The following MGAT4C variants were observed in gnomAD, a reference collection of about 807,000 sequenced individuals.
The protein encoded by MGAT4C is MGAT4 family member C.
MGAT4C carries 19 observed loss-of-function variants against 40.1 expected under a neutral mutation model. The observed-to-expected ratio is 0.47, with a 90% CI of 0.33 to 0.70. MGAT4C has a LOEUF of 0.70. MGAT4C is among the 30% of genes least tolerant of loss of function. The pLI is 0.02. For missense variants in MGAT4C, 491 were observed against 563.2 expected, an observed-to-expected ratio of 0.87 and a Z score of 1.30; for synonymous variants, 181 against 187.1, an observed-to-expected ratio of 0.97 and a Z score of 0.27.
At chr12:86,095,551 A>G (rs996656210) in intron 1 of MGAT4C, among the ~76,000 whole-genome samples, 1 of 151,688 alleles carries the variant, frequency 6.6e-6, no homozygotes, top group Admixed American at 6.6e-5. Context: ...GCATGATTGC[A>G]TTTTATTCTA....
At chr12:86,172,880 T>G (rs1593140415) in intron 1 of MGAT4C, among the ~76,000 whole-genome samples, 1 of 152,144 alleles carries the variant, frequency 6.6e-6, no homozygotes, top group Admixed American at 6.6e-5. Flanking sequence ...ATAATGAATA[T>G]TAATGATTAA....
At chr12:86,344,916 G>A (rs1172861782) in intron 3 of MGAT4C, among the ~76,000 whole-genome samples, 1 of 151,820 alleles carries the variant, frequency 6.6e-6, no homozygotes, top group Non-Finnish European at 1.5e-5. Context: ...GTGACAATTT[G>A]AACAACTATG....
At chr12:86,042,009 T>C (rs1891902109) in intron 2 of MGAT4C, among the ~76,000 whole-genome samples, 3 of 152,214 alleles carry the variant, frequency 2.0e-5, no homozygotes, top group Admixed American at 2.0e-4. Context: ...GTTGGGTGTA[T>C]ATATATTCAG....
chr12:86,583,016 A>G (rs1316660952), intron 2 of MGAT4C, among the ~76,000 whole-genome samples: 3 of 151,434 alleles, frequency 2.0e-5, no homozygotes, highest in Non-Finnish European at 4.4e-5. Flanking sequence ...ATAATATAAA[A>G]GAGAAAATAA....
chr12:86,495,496 C>T lies in MGAT4C; in HGVS notation c.-228-60231G>A, dbSNP rs139745859. Among the ~76,000 whole-genome samples, 205 of 152,190 alleles carry T rather than the reference C, an allele frequency of 1.3e-3. 4 individuals carry two copies. Among genetic ancestry groups the T allele is most frequent in the African/African-American group, 4.6e-3 (193 of 41,548 alleles). On this transcript the variant is annotated intron_variant, in intron 2 of 7. Transcript: ENST00000548651. Reference sequence around the variant, plus strand: ...AGGATGGCCCTGCCATTCACATCTGCATTATGCCTGTATTTGAAGACTGGC... The same window carrying T: ...AGGATGGCCCTGCCATTCACATCTGTATTATGCCTGTATTTGAAGACTGGC...
intron 2 of MGAT4C, among the ~76,000 whole-genome samples, chr12:86,546,338 T>G (rs1959192691): frequency 6.6e-6 from 1 of 151,498 alleles, no homozygotes; most frequent in Non-Finnish European, 1.5e-5. Flanking sequence ...GATTAAATAA[T>G]TATATATTAT....
chr12:86,766,726 G>A (rs1334897552), intron 1 of MGAT4C, among the ~76,000 whole-genome samples: 6 of 151,826 alleles, frequency 4.0e-5, no homozygotes, highest in Non-Finnish European at 8.8e-5. Context: ...ACTCAAAACC[G>A]CTCAACTACA....
In MGAT4C at chr12:86,363,954, ACT is replaced by A. The variant is rs762469045; in HGVS notation, c.-119-29829_-119-29828del. On this transcript the variant is annotated intron_variant, in intron 3 of 7. Coordinates refer to the MGAT4C transcript ENST00000548651. ...AAAAAAATTACCAAATCTCTTTCTC[ACT>A]CTCTCTCTCTCTCTCTCACACACAC... 2.3e-3 allele frequency among the ~76,000 whole-genome samples: 228 copies of A among 99,308 alleles called. 2 individuals are homozygous for A. The highest frequency in any genetic ancestry group is 3.8e-3 in the South Asian group (8 of 2,100). 65.1% of individuals were successfully genotyped at this position (99,308 alleles called of 152,430 possible).
chr12:86,251,131 G>GTTTTTT (rs5799770), intron 1 of MGAT4C, among the ~76,000 whole-genome samples: 3 of 138,108 alleles, frequency 2.2e-5, no homozygotes, highest in African/African-American at 2.6e-5. Flanking sequence ...TTTATTTCCC[G>GTTTTTT]TTTTTTTTTT....
intron 2 of MGAT4C, among the ~76,000 whole-genome samples, chr12:86,496,512 A>T (rs1262114274): frequency 3.3e-5 from 5 of 152,032 alleles, no homozygotes; most frequent in African/African-American, 1.2e-4. Context: ...CAATACCTAA[A>T]ATTATGTGGT....
chr12:86,079,917 G>A (rs1344699601), intron 1 of MGAT4C, among the ~76,000 whole-genome samples: 3 of 152,032 alleles, frequency 2.0e-5, no homozygotes, highest in Non-Finnish European at 2.9e-5. Flanking sequence ...TCATTGAAAT[G>A]ATTAACTCAT....
chr12:86,014,688 C>T (rs2136835029), intron 2 of MGAT4C, among the ~76,000 whole-genome samples: 1 of 152,204 alleles, frequency 6.6e-6, no homozygotes, highest in Non-Finnish European at 1.5e-5. Flanking sequence ...GGGAAGAAAC[C>T]TAATGCCCCC....
At chr12:86,082,539 C>T (rs1871025585) in intron 1 of MGAT4C, among the ~76,000 whole-genome samples, 1 of 150,992 alleles carries the variant, frequency 6.6e-6, no homozygotes, top group Non-Finnish European at 1.5e-5. Flanking sequence ...ACAGATCAAC[C>T]ACAATTTAGC....
intron 1 of MGAT4C, among the ~76,000 whole-genome samples, chr12:86,190,442 A>C (rs2135898133): frequency 6.6e-6 from 1 of 152,236 alleles, no homozygotes; most frequent in Non-Finnish European, 1.5e-5. Flanking sequence ...TTAATGAACA[A>C]ATTTTCACAT....
chr12:86,246,179 C>CTTTT (rs57004605), intron 1 of MGAT4C, among the ~76,000 whole-genome samples: 126 of 70,040 alleles, frequency 1.8e-3, no homozygotes, highest in Non-Finnish European at 1.9e-3. Flanking sequence ...TGTACCATTG[C>CTTTT]TTTTTTTTTT....
intron 3 of MGAT4C, among the ~76,000 whole-genome samples, chr12:86,412,968 G>T (rs1047747561): frequency 3.9e-5 from 6 of 152,036 alleles, no homozygotes; most frequent in African/African-American, 1.4e-4. Context: ...AAAGTTTGTA[G>T]TACCTCCCCC....
Position 85,956,015 on chromosome 12 carries a change from A to T in MGAT4C, c.*23274T>A. ...TAAGTCCATGAATACATATAGTAAA[A>T]TGTAGAGGTTTTCAATTGGTTTACA... On this transcript the variant is annotated 3_prime_UTR_variant, in exon 5 of 5. Transcript: ENST00000611864. 1 of 152,232 alleles carries T rather than the reference A, an allele frequency of 6.6e-6. No individual in the cohort carries two copies. Among genetic ancestry groups the T allele is most frequent in the East Asian group, 1.9e-4 (1 of 5,202 alleles). The allele number at this position is 152,232 out of a possible 1,614,324, so 9.4% of individuals were successfully genotyped here. A position where few individuals can be genotyped will look rare whatever the true frequency, so the allele number is the denominator to read the frequency against.
intron 2 of MGAT4C, among the ~76,000 whole-genome samples, chr12:86,541,294 T>C (rs1959166546): frequency 6.6e-6 from 1 of 152,176 alleles, no homozygotes; most frequent in Non-Finnish European, 1.5e-5. Flanking sequence ...TCAAAATTAC[T>C]TTGTATAAAA....
At chr12:86,023,298 G>A (rs1413201243) in intron 2 of MGAT4C, among the ~76,000 whole-genome samples, 1 of 151,888 alleles carries the variant, frequency 6.6e-6, no homozygotes, top group East Asian at 1.9e-4. Flanking sequence ...CAGAAATAAA[G>A]TATTGATTTA....
Sources: gnomAD v4.1 joint callset for allele counts (sites outside exome capture counted in the v4.1 genomes callset) on GRCh38, gnomAD v4.1.1 for gene constraint, MANE v1.5 for transcripts, NCBI Gene and HGNC (gene_info 2026-07-23, HGNC 2026-07-21) for gene names.